The following AGMO variants were observed in gnomAD, a reference collection of about 807,000 sequenced individuals.
AGMO encodes the protein alkylglycerol monooxygenase.
A neutral mutation model predicts 60.2 loss-of-function variants in AGMO; 75 were observed. That is an observed-to-expected ratio of 1.25 (90% CI 1.03 to 1.51). AGMO has a LOEUF of 1.51. AGMO is among the 40% of genes most tolerant of loss of function. The pLI is 0.00. For missense variants in AGMO, 763 were observed against 525.5 expected (o/e 1.45, Z -4.42); for synonymous variants, 261 against 177.1 (o/e 1.47, Z -3.76).
chr7:15,430,967 A>G, intron 4 of AGMO, 38 bp downstream of exon 4: 1 of 1,245,840 alleles, frequency 8.0e-7, no homozygotes, highest in South Asian at 1.7e-5. Context: ...TTAAAAACAA[A>G]TTAGATTACC....
chr7:15,526,072 A>G lies in AGMO; in HGVS notation c.409+18700T>C, dbSNP rs547549748. ...ACACACCTCCTCCCACCAGGGACTGAGTGCGCAGTCATGGTGGCCATGGGA... is the reference window on the plus strand; with the variant it reads ...ACACACCTCCTCCCACCAGGGACTGGGTGCGCAGTCATGGTGGCCATGGGA... On this transcript the variant is annotated intron_variant, in intron 3 of 12. Transcript: ENST00000342526. 2.6e-4 allele frequency among the ~76,000 whole-genome samples: 39 copies of G among 152,256 alleles called. 1 individual carries two copies. The highest frequency in any genetic ancestry group is 9.1e-4 in the African/African-American group (38 of 41,562).
Position 15,561,893 on chromosome 7 carries a change from C to T in AGMO, c.-48G>A. On this transcript the variant is annotated 5_prime_UTR_variant, in exon 1 of 13. Coordinates refer to ENST00000342526, the MANE Select transcript of AGMO (RefSeq NM_001004320.2). ...GCTGGAGAATATTTAGGATTCAATG[C>T]TTGAAGCCTGAGGCTGAACAAAGAG... 2 of 1,547,802 alleles carry T rather than the reference C, an allele frequency of 1.3e-6. No individual in the cohort carries two copies. Among genetic ancestry groups the T allele is most frequent in the Non-Finnish European group, 1.8e-6 (2 of 1,141,844 alleles).
At chr7:15,463,883 T>G (rs1005638972) in intron 3 of AGMO, among the ~76,000 whole-genome samples, 1 of 152,324 alleles carries the variant, frequency 6.6e-6, no homozygotes, top group East Asian at 1.9e-4. Flanking sequence ...GTTTCAAAGC[T>G]GTGCTTGATT....
At chr7:15,325,217 A>C (rs1015387053) in intron 12 of AGMO, among the ~76,000 whole-genome samples, 6 of 152,126 alleles carry the variant, frequency 3.9e-5, no homozygotes, top group Non-Finnish European at 7.4e-5. Flanking sequence ...ATATATCCAA[A>C]TTAACTTGCA....
chr7:15,284,865 A>G (rs1245761610), intron 12 of AGMO, among the ~76,000 whole-genome samples: 4 of 152,182 alleles, frequency 2.6e-5, no homozygotes, highest in Non-Finnish European at 5.9e-5. Context: ...CAACACATCA[A>G]AAAGATAATA....
intron 3 of AGMO, among the ~76,000 whole-genome samples, chr7:15,486,365 CAT>C (rs1030158726): frequency 7.2e-5 from 11 of 152,208 alleles, no homozygotes; most frequent in African/African-American, 2.4e-4. Flanking sequence ...ATTAAAAAAA[CAT>C]ATTTTCTCAG....
chr7:15,204,122 G>A (rs1159463225), intron 12 of AGMO, among the ~76,000 whole-genome samples: 2 of 151,976 alleles, frequency 1.3e-5, no homozygotes, highest in Non-Finnish European at 2.9e-5. Context: ...GAAGAAAACA[G>A]AGTTAATTTT....
the AGMO span, among the ~76,000 whole-genome samples, chr7:15,125,257 G>C: frequency 6.6e-6 from 1 of 152,056 alleles, no homozygotes; most frequent in Non-Finnish European, 1.5e-5. Flanking sequence ...CAGAAGGCAA[G>C]AGTTTGCCCT....
At chr7:15,438,174 C>T (rs939881914) in intron 3 of AGMO, among the ~76,000 whole-genome samples, 10 of 151,660 alleles carry the variant, frequency 6.6e-5, no homozygotes, top group African/African-American at 2.2e-4. Flanking sequence ...TTCATACAAT[C>T]GAAAAGCAAG....
intron 3 of AGMO, among the ~76,000 whole-genome samples, chr7:15,538,853 G>T (rs918789510): frequency 1.3e-5 from 2 of 152,102 alleles, no homozygotes; most frequent in East Asian, 3.9e-4. Context: ...TGAAGTTGTG[G>T]GAATAAATAT....
intron 12 of AGMO, among the ~76,000 whole-genome samples, chr7:15,356,202 G>A (rs1016831996): frequency 3.9e-5 from 6 of 152,138 alleles, no homozygotes; most frequent in Non-Finnish European, 7.4e-5. Context: ...CCATCTAGAT[G>A]TATAAACTAG....
At chr7:15,268,929 T>C (rs761662204) in intron 12 of AGMO, among the ~76,000 whole-genome samples, 1 of 152,040 alleles carries the variant, frequency 6.6e-6, no homozygotes, top group Non-Finnish European at 1.5e-5. Context: ...TGAAGCTGGG[T>C]GTTGACTTGA....
the AGMO span, among the ~76,000 whole-genome samples, chr7:15,178,326 T>C: frequency 6.6e-6 from 1 of 152,186 alleles, no homozygotes; most frequent in African/African-American, 2.4e-5. Flanking sequence ...TAGGTTAAAC[T>C]TTCTTGTCTC....
At chr7:15,209,136 C>A (rs1379034598) in intron 12 of AGMO, among the ~76,000 whole-genome samples, 1 of 152,136 alleles carries the variant, frequency 6.6e-6, no homozygotes, top group Non-Finnish European at 1.5e-5. Context: ...TTATCACAGC[C>A]CACCGATTTT....
At chr7:15,266,420 C>T (rs980448575) in intron 12 of AGMO, among the ~76,000 whole-genome samples, 2 of 151,958 alleles carry the variant, frequency 1.3e-5, no homozygotes, top group African/African-American at 4.8e-5. Flanking sequence ...GTAATTTTAA[C>T]AACTTCAAAG....
At chr7:15,364,793 A>G (rs756600149) in intron 12 of AGMO, among the ~76,000 whole-genome samples, 8 of 152,106 alleles carry the variant, frequency 5.3e-5, no homozygotes, top group Non-Finnish European at 7.4e-5. Flanking sequence ...GGGGGATATT[A>G]GTATTTATGT....
chr7:15,359,343 T>A (rs1173950183), intron 12 of AGMO, among the ~76,000 whole-genome samples: 2 of 152,118 alleles, frequency 1.3e-5, no homozygotes, highest in African/African-American at 4.8e-5. Context: ...ATATTTACTT[T>A]AATTTTTGCT....
At chr7:15,238,234 C>T (rs746929185) in intron 12 of AGMO, among the ~76,000 whole-genome samples, 1 of 151,888 alleles carries the variant, frequency 6.6e-6, no homozygotes, top group Non-Finnish European at 1.5e-5. Flanking sequence ...TTTCAATACA[C>T]ACACGTGTGT....
chr7:15,307,578 A>G (rs1454268204), intron 12 of AGMO, among the ~76,000 whole-genome samples: 3 of 151,942 alleles, frequency 2.0e-5, no homozygotes, highest in Admixed American at 6.6e-5. Flanking sequence ...ACCTAATCAT[A>G]TAATTGTATT....
Sources: gnomAD v4.1 joint callset for allele counts (sites outside exome capture counted in the v4.1 genomes callset) on GRCh38, gnomAD v4.1.1 for gene constraint, MANE v1.5 for transcripts, NCBI Gene and HGNC (gene_info 2026-07-23, HGNC 2026-07-21) for gene names.